RBFOX1: variants seen among roughly 807,000 people sequenced by gnomAD.
The protein encoded by RBFOX1 is RNA binding protein fox-1 homolog 1.
A neutral mutation model predicts 57.7 loss-of-function variants in RBFOX1; 8 were observed. That is an observed-to-expected ratio of 0.14 (90% CI 0.08 to 0.25). The LOEUF (loss-of-function observed/expected upper bound fraction) is 0.25, where lower values mean the gene tolerates loss of function less well. Ranked by LOEUF, RBFOX1 falls within the 10% of genes least tolerant of loss-of-function variation. The probability of loss-of-function intolerance (pLI) is 1.00; values close to 1 mark genes in which losing one functional copy is unlikely to be tolerated. For synonymous variants in RBFOX1, 326 were observed against 222.4 expected (o/e 1.47, Z -4.15); for missense variants, 611 against 548.5 (o/e 1.11, Z -1.14).
At chr16:5,759,996 C>T (rs1161058855) in intron 3 of RBFOX1, among the ~76,000 whole-genome samples, 2 of 145,946 alleles carry the variant, frequency 1.4e-5, no homozygotes, top group East Asian at 2.2e-4. Flanking sequence ...CTATAAATAT[C>T]CCCACTGGGT....
chr16:7,369,340 G>A (rs2097526726), intron 4 of RBFOX1, among the ~76,000 whole-genome samples: 1 of 152,060 alleles, frequency 6.6e-6, no homozygotes, highest in South Asian at 2.1e-4. Context: ...TTTCTGCAAA[G>A]TGGAGGCCCT....
intron 3 of RBFOX1, among the ~76,000 whole-genome samples, chr16:5,768,571 T>C (rs1336631199): frequency 6.6e-6 from 1 of 152,176 alleles, no homozygotes; most frequent in African/African-American, 2.4e-5. Context: ...GTGGATCCTG[T>C]TTGAAAGCTA....
intron 1 of RBFOX1, among the ~76,000 whole-genome samples, chr16:5,382,756 A>T (rs2066161754): frequency 6.6e-6 from 1 of 152,230 alleles, no homozygotes. Context: ...GTTTAAGGAA[A>T]TTAAAGAGCA....
chr16:5,434,003 T>A (rs574915), intron 1 of RBFOX1, among the ~76,000 whole-genome samples: 98,793 of 151,614 alleles, frequency 0.65, 32,459 homozygotes, highest in African/African-American at 0.72. Context: ...TCCACCCCAG[T>A]CCTATCCAGT....
At chr16:7,619,788 A>C (rs984159563) in intron 10 of RBFOX1, among the ~76,000 whole-genome samples, 1 of 151,950 alleles carries the variant, frequency 6.6e-6, no homozygotes, top group South Asian at 2.1e-4. Flanking sequence ...CTAATCAGAG[A>C]TTGCAAACTA....
At chr16:6,545,007 T>TA (rs2096875636) in intron 2 of RBFOX1, among the ~76,000 whole-genome samples, 1 of 152,220 alleles carries the variant, frequency 6.6e-6, no homozygotes, top group Admixed American at 6.5e-5. Flanking sequence ...ATCTTTTTTT[T>TA]ATAGGCTGAC....
intron 3 of RBFOX1, among the ~76,000 whole-genome samples, chr16:5,692,859 G>A (rs4786055): frequency 0.19 from 29,641 of 152,134 alleles, 4,218 homozygotes; most frequent in East Asian, 0.65. Flanking sequence ...TACCTGGAAG[G>A]CAGGTTGAAC....
At chr16:6,718,612 G>A (rs904259635) in intron 3 of RBFOX1, among the ~76,000 whole-genome samples, 2 of 152,108 alleles carry the variant, frequency 1.3e-5, no homozygotes, top group Admixed American at 1.3e-4. Flanking sequence ...CCCCAATATT[G>A]GAGGAGGAGC....
At chr16:6,492,061 G>A (rs914657903) in intron 2 of RBFOX1, among the ~76,000 whole-genome samples, 1 of 152,068 alleles carries the variant, frequency 6.6e-6, no homozygotes, top group African/African-American at 2.4e-5. Context: ...AGACAAATTG[G>A]CAAAGGACAT....
At chr16:6,966,633 G>A (rs2084231694) in intron 3 of RBFOX1, among the ~76,000 whole-genome samples, 1 of 152,184 alleles carries the variant, frequency 6.6e-6, no homozygotes, top group Admixed American at 6.5e-5. Context: ...AGAGCAAGAG[G>A]CAAGGTGGAA....
At position 6,019,087 on chromosome 16, in the gene RBFOX1, A is replaced by ACACACACG. The variant is rs1491245437; in HGVS notation, c.-1024_-1017dup. On this transcript the variant is annotated 5_prime_UTR_variant, in exon 1 of 16. Transcript: ENST00000550418. The surrounding 1 kb of genome is among the most constrained non-coding windows in gnomAD (Gnocchi z 4.2). Reference sequence around the variant, plus strand: ...TTGTCGCGCGCTCACACACACACAGACACACACGCACACACACACATGCAC... The same window carrying ACACACACG: ...TTGTCGCGCGCTCACACACACACAGACACACACGCACACACGCACACACACACATGCAC... The ACACACACG allele has an allele frequency of 2.0e-6, 2 of 983,978 alleles. No homozygotes were observed. Among genetic ancestry groups the ACACACACG allele is most frequent in the African/African-American group, 3.5e-5 (2 of 56,894 alleles). The allele number at this position is 983,978 out of a possible 1,614,324, so 61.0% of individuals were successfully genotyped here.
At chr16:5,818,811 A>G (rs1372791555) in intron 3 of RBFOX1, among the ~76,000 whole-genome samples, 1 of 152,148 alleles carries the variant, frequency 6.6e-6, no homozygotes, top group Non-Finnish European at 1.5e-5. Context: ...ATTATGTTCT[A>G]TGCATACCTC....
chr16:6,673,254 C>G (rs536729577), intron 3 of RBFOX1, among the ~76,000 whole-genome samples: 2 of 152,164 alleles, frequency 1.3e-5, no homozygotes, highest in East Asian at 3.9e-4. Flanking sequence ...CCCAAAGGTC[C>G]CTCATATCCC....
intron 4 of RBFOX1, among the ~76,000 whole-genome samples, chr16:7,075,622 G>A (rs756051431): frequency 6.0e-5 from 9 of 151,042 alleles, no homozygotes; most frequent in East Asian, 1.9e-4. Context: ...GCTCTGTTGC[G>A]CAGGCTGGAG....
At chr16:6,893,381 G>T (rs2065983015) in intron 3 of RBFOX1, among the ~76,000 whole-genome samples, 1 of 152,146 alleles carries the variant, frequency 6.6e-6, no homozygotes, top group Non-Finnish European at 1.5e-5. Context: ...AAGATAAAAA[G>T]AAGGCTTTCT....
chr16:5,903,889 C>T (rs547532088), intron 4 of RBFOX1, among the ~76,000 whole-genome samples: 3 of 152,142 alleles, frequency 2.0e-5, no homozygotes, highest in Non-Finnish European at 4.4e-5. Flanking sequence ...CCTGCATGTG[C>T]TCACCAGAGC....
chr16:7,635,078 G>A (rs1039708927), intron 11 of RBFOX1, among the ~76,000 whole-genome samples: 1 of 152,202 alleles, frequency 6.6e-6, no homozygotes, highest in Non-Finnish European at 1.5e-5. Flanking sequence ...AAGGTACTAG[G>A]TGTATTATTG....
chr16:7,497,355 C>G (rs1230403505), intron 4 of RBFOX1, among the ~76,000 whole-genome samples: 1 of 152,154 alleles, frequency 6.6e-6, no homozygotes, highest in African/African-American at 2.4e-5. Context: ...CTAACTCACT[C>G]CATCATCTCC....
intron 5 of RBFOX1, among the ~76,000 whole-genome samples, chr16:7,569,403 C>T (rs1006036221): frequency 6.6e-6 from 1 of 152,150 alleles, no homozygotes; most frequent in Non-Finnish European, 1.5e-5. Flanking sequence ...CCCCTTTCCC[C>T]ATCTTCAAAA....
Sources: allele counts gnomAD v4.1 joint callset (sites outside exome capture counted in the v4.1 genomes callset), GRCh38; gene constraint gnomAD v4.1.1; non-coding constraint Gnocchi (gnomAD v3.1); transcripts MANE v1.5; gene names NCBI Gene and HGNC (gene_info 2026-07-23, HGNC 2026-07-21).